Variants in FAM241A observed in about 807,000 individuals in gnomAD.
FAM241A encodes the protein family with sequence similarity 241 member A.
A neutral mutation model predicts 12.2 loss-of-function variants in FAM241A; 7 were observed. The ratio of observed to expected loss-of-function variants is 0.58; its 90% CI spans 0.33 to 1.08. The LOEUF (loss-of-function observed/expected upper bound fraction) is 1.08, where lower values mean the gene tolerates loss of function less well. Ranked by LOEUF, FAM241A falls within the 50% of genes least tolerant of loss-of-function variation. The pLI is 0.04. For missense variants in FAM241A, 161 were observed against 169.7 expected (o/e 0.95, Z 0.29); for synonymous variants, 74 against 68.2 (o/e 1.08, Z -0.42).
rs548035307 is a variant in FAM241A at position 112,164,667 on chromosome 4, CA to C, written c.153+18936del. Among the ~76,000 whole-genome samples the C allele has an allele frequency of 3.2e-3, 481 of 152,118 alleles. 3 individuals carry two copies. The highest frequency in any genetic ancestry group is 0.01 in the African/African-American group (433 of 41,522). On this transcript the variant is annotated intron_variant, in intron 1 of 1. Coordinates refer to ENST00000309733, the MANE Select transcript of FAM241A (RefSeq NM_152400.3). Reference sequence around the variant, plus strand: ...CAAAAGAAACAATCAAGTGAAGATACAACCCATAGAATGGGAGAAAATATTT... The same window carrying C: ...CAAAAGAAACAATCAAGTGAAGATACACCCATAGAATGGGAGAAAATATTT...
intron 1 of FAM241A, among the ~76,000 whole-genome samples, chr4:112,148,259 T>C (rs1470832346): frequency 6.6e-6 from 1 of 152,138 alleles, no homozygotes; most frequent in African/African-American, 2.4e-5. Flanking sequence ...AAAGGTTCAT[T>C]CCTTTTCCTC....
chr4:112,157,646 A>G (rs1177887930), intron 1 of FAM241A, among the ~76,000 whole-genome samples: 2 of 152,124 alleles, frequency 1.3e-5, no homozygotes, highest in Non-Finnish European at 2.9e-5. Flanking sequence ...ATATGAAAAA[A>G]AAGTAAAAAT....
intron 1 of FAM241A, among the ~76,000 whole-genome samples, chr4:112,181,121 C>T (rs1237653533): frequency 1.3e-5 from 2 of 152,088 alleles, no homozygotes; most frequent in Non-Finnish European, 2.9e-5. Flanking sequence ...CTCTTAGAAT[C>T]ATCTCTGGAA....
At chr4:112,150,827 T>C (rs1468057041) in intron 1 of FAM241A, among the ~76,000 whole-genome samples, 3 of 152,206 alleles carry the variant, frequency 2.0e-5, no homozygotes, top group Admixed American at 6.5e-5. Flanking sequence ...AACAACTTCA[T>C]AGGATTATTG....
Position 112,145,455 on chromosome 4 carries a change from C to T in FAM241A, c.-126C>T. Reference sequence around the variant, plus strand: ...CAGGCGCCCAGGCCGGCGGGGCGCGCTCCGGCGGCTCCTGTCAGCGGCGGG... The same window carrying T: ...CAGGCGCCCAGGCCGGCGGGGCGCGTTCCGGCGGCTCCTGTCAGCGGCGGG... On this transcript the variant is annotated 5_prime_UTR_variant, in exon 1 of 2. Transcript: ENST00000309733. The T allele has an allele frequency of 5.1e-6, 5 of 981,518 alleles. No homozygotes were observed. The highest frequency in any genetic ancestry group is 6.5e-6 in the Non-Finnish European group (5 of 774,520). The allele number at this position is 981,518 out of a possible 1,614,324, so 60.8% of individuals were successfully genotyped here. A position where few individuals can be genotyped will look rare whatever the true frequency, so the allele number is the denominator to read the frequency against.
At position 112,193,748 on chromosome 4, in the gene FAM241A, T is replaced by C. The variant is rs938277235; in HGVS notation, c.*6810T>C. ...CAGTACCATGCTGTTTTGGTTATTG[T>C]AGCCTTGTAGTATAGTTTGAAGTCA... On this transcript the variant is annotated 3_prime_UTR_variant, in exon 2 of 2. Transcript: ENST00000309733. 1 of 152,170 alleles carries C rather than the reference T, an allele frequency of 6.6e-6. No individual in the cohort carries two copies. The highest frequency in any genetic ancestry group is 2.4e-5 in the African/African-American group (1 of 41,432). The allele number at this position is 152,170 out of a possible 1,614,324, so 9.4% of individuals were successfully genotyped here.
rs1724134592 is a variant in FAM241A at position 112,190,111 on chromosome 4, T to TTTAATC, written c.*3173_*3174insTTAATC. 1 of 125,850 alleles carries TTTAATC rather than the reference T, an allele frequency of 7.9e-6. No individual in the cohort carries two copies. Among genetic ancestry groups the TTTAATC allele is most frequent in the Admixed American group, 7.8e-5 (1 of 12,846 alleles). The allele number at this position is 125,850 out of a possible 1,614,324, so 7.8% of individuals were successfully genotyped here. On this transcript the variant is annotated 3_prime_UTR_variant, in exon 2 of 2. Coordinates refer to ENST00000309733, the MANE Select transcript of FAM241A (RefSeq NM_152400.3). ...ATGTTTTGACCACAGAAAATCTCTC[T>TTTAATC]AGGCTGTCACCAAGCTGTAAATCCA...
At chr4:112,179,705 A>G (rs1421605023) in intron 1 of FAM241A, among the ~76,000 whole-genome samples, 1 of 142,258 alleles carries the variant, frequency 7.0e-6, no homozygotes, top group East Asian at 2.4e-4. Flanking sequence ...CTTAAAGTAT[A>G]ATAAAATATA....
At position 112,186,694 on chromosome 4, in the gene FAM241A, A is replaced by G. The variant is rs866170231; in HGVS notation, c.155A>G (p.Asp52Gly). 1 of 1,578,986 alleles carries G rather than the reference A, an allele frequency of 6.3e-7. No individual in the cohort carries two copies. Among genetic ancestry groups the G allele is most frequent in the Non-Finnish European group, 8.6e-7 (1 of 1,165,138 alleles). ...TTGTCTTTTTTTTTTTTTTTAAAGG[A>G]TGTTGAAGACTCACAGAACCACACT... ...RGQRPKESEQ[D>G]VEDSQNHTGE... is the part of the protein sequence containing the mutation. Residue 52 changes from aspartate (D) to glycine (G), a missense_variant and splice_region_variant, in exon 2 of 2, where the codon GAT becomes GGT. Physicochemically the swap from Asp to Gly is moderately conservative, Grantham distance 94. Transcript: ENST00000309733.
intron 1 of FAM241A, among the ~76,000 whole-genome samples, chr4:112,149,505 T>G (rs898589607): frequency 3.3e-5 from 5 of 152,210 alleles, no homozygotes; most frequent in African/African-American, 1.2e-4. Context: ...AAATATTTGC[T>G]TGTAAATCCT....
chr4:112,148,267 C>T (rs1349133805), intron 1 of FAM241A, among the ~76,000 whole-genome samples: 2 of 151,966 alleles, frequency 1.3e-5, no homozygotes, highest in Non-Finnish European at 2.9e-5. Context: ...ATTCCTTTTC[C>T]TCAACCTGGA....
intron 1 of FAM241A, among the ~76,000 whole-genome samples, chr4:112,168,158 T>C (rs1292901513): frequency 1.3e-5 from 2 of 152,246 alleles, no homozygotes; most frequent in Non-Finnish European, 2.9e-5. Context: ...AAACAACTAA[T>C]ATACTTTGTT....
Position 112,159,117 on chromosome 4 carries a change from T to A in FAM241A, c.153+13384T>A, listed in dbSNP as rs538849463. Reference sequence around the variant, plus strand: ...ATTTCACTTTTAAATAAAGTGGTCATGGAAGAGCTCACTGAGGTAATAGTT... The same window carrying A: ...ATTTCACTTTTAAATAAAGTGGTCAAGGAAGAGCTCACTGAGGTAATAGTT... On this transcript the variant is annotated intron_variant, in intron 1 of 1. Transcript: ENST00000309733. Among the ~76,000 whole-genome samples the A allele has an allele frequency of 1.5e-3, 233 of 152,300 alleles. 1 individual carries two copies. The highest frequency in any genetic ancestry group is 2.5e-3 in the Non-Finnish European group (172 of 68,006).
At chr4:112,177,372 T>C (rs1359284636) in intron 1 of FAM241A, among the ~76,000 whole-genome samples, 1 of 152,200 alleles carries the variant, frequency 6.6e-6, no homozygotes, top group Admixed American at 6.5e-5. Flanking sequence ...ATTAACTAGA[T>C]GTTAGCTATT....
At chr4:112,168,194 T>TA (rs1338624695) in intron 1 of FAM241A, among the ~76,000 whole-genome samples, 1 of 151,980 alleles carries the variant, frequency 6.6e-6, no homozygotes, top group African/African-American at 2.4e-5. Context: ...TTTATGTAGA[T>TA]ACACTGTTTT....
At chr4:112,162,747 T>C (rs1157290679) in intron 1 of FAM241A, among the ~76,000 whole-genome samples, 2 of 152,178 alleles carry the variant, frequency 1.3e-5, no homozygotes, top group African/African-American at 2.4e-5. Flanking sequence ...AGGTAATTTA[T>C]AGATTCAGTG....
chr4:112,173,945 C>A lies in FAM241A; in HGVS notation c.154-12748C>A, dbSNP rs202115481. ...TTATGGAGCAAAACAAAATAAAAGT[C>A]TTTTAAAGTCTCCAAGAACCATCCT... On this transcript the variant is annotated intron_variant, in intron 1 of 1. Coordinates refer to ENST00000309733, the MANE Select transcript of FAM241A (RefSeq NM_152400.3). Among the ~76,000 whole-genome samples the A allele has an allele frequency of 5.3e-5, 8 of 152,186 alleles. No individual in the cohort carries two copies. In the East Asian group the frequency reaches 1.5e-3, roughly 29 times the overall value.
At chr4:112,172,445 T>A (rs1723742445) in intron 1 of FAM241A, among the ~76,000 whole-genome samples, 1 of 152,216 alleles carries the variant, frequency 6.6e-6, no homozygotes, top group Non-Finnish European at 1.5e-5. Flanking sequence ...CCAGCTATCC[T>A]TTTATATAAT....
rs542269288 is a variant in FAM241A at position 112,189,370 on chromosome 4, CAAAAAAAAAAAAAAA to C, written c.*2443_*2457del. The stretch of plus-strand genomic sequence containing the variant: ...TGGGTAACAGAGTGAGACCCCATCT[CAAAAAAAAAAAAAAA>C]AAAAAAAAAATTGGATTGAAAATGA... On this transcript the variant is annotated 3_prime_UTR_variant, in exon 2 of 2. Transcript: ENST00000309733. The C allele has an allele frequency of 3.8e-5, 3 of 78,448 alleles. No individual in the cohort carries two copies. Among genetic ancestry groups the C allele is most frequent in the Non-Finnish European group, 7.3e-5 (3 of 41,204 alleles). The allele number at this position is 78,448 out of a possible 1,614,324, so 4.9% of individuals were successfully genotyped here.
Sources: gnomAD v4.1 joint callset for allele counts (sites outside exome capture counted in the v4.1 genomes callset) on GRCh38, gnomAD v4.1.1 for gene constraint, MANE v1.5 for transcripts, NCBI Gene and HGNC (gene_info 2026-07-23, HGNC 2026-07-21) for gene names.